The following MOB3B variants were observed in gnomAD, a reference collection of about 807,000 sequenced individuals.
MOB3B encodes the protein MOB kinase activator-like 2B.
Under a neutral mutation model 18.7 loss-of-function variants are expected in MOB3B, and 7 were observed. The observed-to-expected ratio is 0.37, with a 90% CI of 0.21 to 0.70. The LOEUF (loss-of-function observed/expected upper bound fraction) is 0.70, where lower values mean the gene tolerates loss of function less well. Among genes scored for constraint, MOB3B ranks in the 30% least tolerant of loss-of-function variants. MOB3B has a pLI of 0.52. For synonymous variants in MOB3B, 111 were observed against 99.9 expected, an observed-to-expected ratio of 1.11 and a Z score of -0.66; for missense variants, 253 against 281.3, an observed-to-expected ratio of 0.90 and a Z score of 0.72.
intron 1 of MOB3B, among the ~76,000 whole-genome samples, chr9:27,513,655 C>T (rs748192902): frequency 7.9e-5 from 12 of 152,192 alleles, no homozygotes; most frequent in Non-Finnish European, 1.8e-4. Flanking sequence ...ATGCTCCCTT[C>T]CAGCTTTGTA....
At chr9:27,515,864 T>C (rs892163553) in intron 1 of MOB3B, among the ~76,000 whole-genome samples, 1 of 152,160 alleles carries the variant, frequency 6.6e-6, no homozygotes, top group Non-Finnish European at 1.5e-5. Flanking sequence ...GAAGTTCTAA[T>C]CCCCAATACC....
At chr9:27,468,264 A>G (rs61349511) in intron 1 of MOB3B, among the ~76,000 whole-genome samples, 15,672 of 152,124 alleles carry the variant, frequency 0.1, 1,898 homozygotes, top group African/African-American at 0.3. Context: ...CCCATCATCT[A>G]TGAAGTGCTT....
rs1047433215 is a variant in MOB3B, at chr9:27,470,471, C to T, written c.-198-14723G>A. 2.4e-4 allele frequency among the ~76,000 whole-genome samples: 36 copies of T among 152,116 alleles called. 1 individual carries two copies. The highest frequency in any genetic ancestry group is 1.3e-4 in the Non-Finnish European group (9 of 68,012). ...TGCCCCTGCCCTTTCTTTTGCCTTC[C>T]GCCTGCCATAATCCTCCAGCCTCCA... is the stretch of plus-strand genomic sequence containing the variant. On this transcript the variant is annotated intron_variant, in intron 1 of 3. Transcript: ENST00000262244.
intron 2 of MOB3B, among the ~76,000 whole-genome samples, chr9:27,368,014 T>C (rs542773781): frequency 6.6e-6 from 1 of 152,244 alleles, no homozygotes; most frequent in South Asian, 2.1e-4. Context: ...ATAAGAGGGA[T>C]GTGAAAATCC....
At chr9:27,364,632 G>A (rs932405986) in intron 2 of MOB3B, among the ~76,000 whole-genome samples, 3 of 152,132 alleles carry the variant, frequency 2.0e-5, no homozygotes, top group African/African-American at 7.2e-5. Flanking sequence ...ATGATGTAGT[G>A]TCTCCAAGCC....
Position 27,521,800 on chromosome 9 carries a change from G to A in MOB3B, c.-199+7755C>T, listed in dbSNP as rs200383400. ...TTATTCATATCAACTGATTGGAACTGAGCCTTAGGGAGAATCCACATTTTC... is the reference window on the plus strand; with the variant it reads ...TTATTCATATCAACTGATTGGAACTAAGCCTTAGGGAGAATCCACATTTTC... On this transcript the variant is annotated intron_variant, in intron 1 of 3. Coordinates refer to ENST00000262244, the MANE Select transcript of MOB3B (RefSeq NM_024761.5). 5.9e-5 allele frequency among the ~76,000 whole-genome samples: 9 copies of A among 152,266 alleles called. No individual in the cohort carries two copies. The East Asian group carries it at 1.3e-3, about 23-fold the overall frequency.
intron 2 of MOB3B, among the ~76,000 whole-genome samples, chr9:27,425,660 A>C (rs1192284903): frequency 2.0e-5 from 3 of 152,242 alleles, no homozygotes; most frequent in Admixed American, 2.0e-4. Flanking sequence ...TAGACTTCAG[A>C]ATAATGGATT....
intron 2 of MOB3B, among the ~76,000 whole-genome samples, chr9:27,435,591 A>G (rs1587211422): frequency 6.6e-6 from 1 of 151,890 alleles, no homozygotes; most frequent in Admixed American, 6.6e-5. Flanking sequence ...TCTTTTATTT[A>G]TTTGTTTGTT....
chr9:27,418,995 TCTATA>T (rs1822198663), intron 2 of MOB3B, among the ~76,000 whole-genome samples: 1 of 150,872 alleles, frequency 6.6e-6, no homozygotes, highest in South Asian at 2.1e-4. Context: ...CAGTAGCTCT[TCTATA>T]CACCAACTGC....
chr9:27,452,353 T>G (rs556815818), intron 2 of MOB3B, among the ~76,000 whole-genome samples: 3 of 152,174 alleles, frequency 2.0e-5, no homozygotes, highest in Admixed American at 6.5e-5. Context: ...GGACATGGTA[T>G]CTGAGCTGAA....
chr9:27,457,176 T>C (rs1331217240), intron 1 of MOB3B, among the ~76,000 whole-genome samples: 1 of 152,270 alleles, frequency 6.6e-6, no homozygotes, highest in Non-Finnish European at 1.5e-5. Flanking sequence ...GACTTCGACT[T>C]GTCTTTCCTA....
intron 1 of MOB3B, among the ~76,000 whole-genome samples, chr9:27,458,842 G>T (rs1819232193): frequency 6.6e-6 from 1 of 152,050 alleles, no homozygotes; most frequent in Non-Finnish European, 1.5e-5. Flanking sequence ...GGAAGGACAG[G>T]TGGTATTATC....
chr9:27,498,579 A>C (rs544242773), intron 1 of MOB3B, among the ~76,000 whole-genome samples: 13 of 152,200 alleles, frequency 8.5e-5, no homozygotes, highest in Non-Finnish European at 1.8e-4. Flanking sequence ...TCATGTGCCT[A>C]ATCTCTGAAT....
intron 3 of MOB3B, among the ~76,000 whole-genome samples, chr9:27,334,710 T>C (rs1820837236): frequency 1.3e-5 from 2 of 152,360 alleles, no homozygotes; most frequent in South Asian, 2.1e-4. Flanking sequence ...AGAAGTAAAA[T>C]GACTTATTCC....
chr9:27,435,735 A>G (rs4878453), intron 2 of MOB3B, among the ~76,000 whole-genome samples: 17,408 of 152,096 alleles, frequency 0.11, 1,492 homozygotes, highest in African/African-American at 0.25. Flanking sequence ...CAGTAGCTGA[A>G]ATTACAGGCA....
At chr9:27,498,684 T>C (rs1271435167) in intron 1 of MOB3B, among the ~76,000 whole-genome samples, 1 of 152,220 alleles carries the variant, frequency 6.6e-6, no homozygotes, top group African/African-American at 2.4e-5. Flanking sequence ...TTTGTAGTAC[T>C]GGGGTCTCAT....
chr9:27,389,864 C>T (rs1821702548), intron 2 of MOB3B, among the ~76,000 whole-genome samples: 5 of 152,076 alleles, frequency 3.3e-5, no homozygotes, highest in Admixed American at 3.3e-4. Flanking sequence ...GGAGACATCA[C>T]CACTTGATCT....
At chr9:27,388,933 C>T (rs1231110212) in intron 2 of MOB3B, among the ~76,000 whole-genome samples, 2 of 152,290 alleles carry the variant, frequency 1.3e-5, no homozygotes, top group East Asian at 1.9e-4. Flanking sequence ...CCACTGCCCT[C>T]GCCTGACCAC....
At chr9:27,450,324 G>T (rs557343212) in intron 2 of MOB3B, among the ~76,000 whole-genome samples, 45 of 152,212 alleles carry the variant, frequency 3.0e-4, no homozygotes, top group Admixed American at 8.5e-4. Context: ...ACCTAAAATA[G>T]GTGCTCAGCA....
Sources: gnomAD v4.1 joint callset for allele counts (sites outside exome capture counted in the v4.1 genomes callset) on GRCh38, gnomAD v4.1.1 for gene constraint, MANE v1.5 for transcripts, NCBI Gene and HGNC (gene_info 2026-07-23, HGNC 2026-07-21) for gene names.